Variants in FHL2 observed in about 807,000 individuals in gnomAD.
FHL2 encodes four and a half LIM domains 2, also known as four and a half LIM domains protein 2.
In FHL2, 20 loss-of-function variants were observed where a neutral mutation model predicts 32.7. The observed-to-expected ratio is 0.61, with a 90% CI of 0.43 to 0.89. The LOEUF is 0.89. Among genes scored for constraint, FHL2 ranks in the 40% least tolerant of loss-of-function variants. FHL2 has a pLI of 0.00. For synonymous variants in FHL2, 123 were observed against 128.1 expected (o/e 0.96, Z 0.27); for missense variants, 311 against 358.6 (o/e 0.87, Z 1.07).
rs530303376 is a variant in FHL2 at position 105,392,125 on chromosome 2, T to C, written c.-25+4522A>G. On this transcript the variant is annotated intron_variant, in intron 2 of 6. Transcript: ENST00000530340. ...CAGGTGCAGCTCGGAGGTCTGGGGATGGCCCAGGGAAGGCTTTGATCTCTG... is the reference window on the plus strand; with the variant it reads ...CAGGTGCAGCTCGGAGGTCTGGGGACGGCCCAGGGAAGGCTTTGATCTCTG... 6.4e-4 allele frequency among the ~76,000 whole-genome samples: 97 copies of C among 152,300 alleles called. 1 individual carries two copies. Among genetic ancestry groups the C allele is most frequent in the African/African-American group, 2.2e-3 (91 of 41,562 alleles).
chr2:105,428,050 A>G (rs1369509730), intron 1 of FHL2, among the ~76,000 whole-genome samples: 1 of 152,272 alleles, frequency 6.6e-6, no homozygotes, highest in Non-Finnish European at 1.5e-5. Context: ...CACATTAAGC[A>G]AAGGATCAAA....
At chr2:105,405,548 A>G (rs532002603) in intron 1 of FHL2, among the ~76,000 whole-genome samples, 46 of 152,238 alleles carry the variant, frequency 3.0e-4, no homozygotes, top group Non-Finnish European at 5.9e-4. Context: ...AAGTGCTAGG[A>G]TTACAGGCGT....
chr2:105,374,113 C>T (rs6714288), intron 3 of FHL2: 6,933 of 298,432 alleles, frequency 0.023, 409 homozygotes, highest in African/African-American at 0.13. Context: ...GCAGGACATC[C>T]TTGGCTGAGG....
intron 3 of FHL2, chr2:105,376,296 C>A (rs930440740): frequency 1.3e-5 from 2 of 152,132 alleles, no homozygotes; most frequent in Non-Finnish European, 2.9e-5. Context: ...AAATCCTGGT[C>A]GGGTCTGTGT....
chr2:105,422,328 T>C (rs550470773), intron 1 of FHL2, among the ~76,000 whole-genome samples: 1 of 152,278 alleles, frequency 6.6e-6, no homozygotes. Flanking sequence ...GCAAGATGCA[T>C]ATGGAGGTGC....
intron 1 of FHL2, among the ~76,000 whole-genome samples, chr2:105,419,409 G>A (rs1459657645): frequency 6.6e-6 from 1 of 152,108 alleles, no homozygotes; most frequent in African/African-American, 2.4e-5. Context: ...ATTTGTATAA[G>A]GATTGTTTTG....
chr2:105,401,439 C>T (rs1250210824), upstream of FHL2, among the ~76,000 whole-genome samples: 2 of 152,156 alleles, frequency 1.3e-5, no homozygotes, highest in Non-Finnish European at 2.9e-5. Context: ...ACTAGTCTGT[C>T]TCCTTTTGTA....
intron 3 of FHL2, among the ~76,000 whole-genome samples, chr2:105,380,905 C>A (rs1187912604): frequency 6.6e-6 from 1 of 152,216 alleles, no homozygotes; most frequent in Non-Finnish European, 1.5e-5. Flanking sequence ...CCACACACTT[C>A]CTTTCTGGTT....
Position 105,373,700 on chromosome 2 carries a change from C to T in FHL2, c.190G>A (p.Ala64Thr), listed in dbSNP as rs1681260755. Residue 64 changes from alanine (A) to threonine (T), a missense_variant, in exon 4 of 7, where the codon GCC (alanine) becomes ACC (threonine). By Grantham distance (58) the Ala-to-Thr change is moderately conservative. Transcript: ENST00000530340. ...LSYKDRHWHE[A>T]CFHCSQCRNS... ...CTGCACTGCGAGCAGTGGAAACAGG[C>T]TTCATGCCAGTGCCGGTCCTTGTAA... The T allele has an allele frequency of 6.2e-7, 1 of 1,614,182 alleles. No homozygotes were observed. The highest frequency in any genetic ancestry group is 8.5e-7 in the Non-Finnish European group (1 of 1,180,040).
chr2:105,362,062 A>T (rs546565516), intron 6 of FHL2, among the ~76,000 whole-genome samples: 1 of 152,342 alleles, frequency 6.6e-6, no homozygotes, highest in East Asian at 1.9e-4. Context: ...CACAATTCAC[A>T]TTCATATCTA....
chr2:105,396,646 C>T lies in FHL2; in HGVS notation c.-25+1G>A, dbSNP rs748401503. The T allele has an allele frequency of 8.7e-6, 14 of 1,612,254 alleles. No individual in the cohort carries two copies. The highest frequency in any genetic ancestry group is 8.5e-7 in the Non-Finnish European group (1 of 1,179,378). ...TAACAGAGGAAATTCACTTGACTCA[C>T]CCCAAAGTCAAAATGCCAGCCTAGT... On this transcript the variant is annotated splice_donor_variant, in intron 2 of 6. Coordinates refer to ENST00000530340, the MANE Select transcript of FHL2 (RefSeq NM_001318895.3). LOFTEE classifies it low-confidence loss of function (5UTR_SPLICE).
At chr2:105,420,795 C>T (rs1684078536) in intron 1 of FHL2, among the ~76,000 whole-genome samples, 1 of 152,114 alleles carries the variant, frequency 6.6e-6, no homozygotes, top group African/African-American at 2.4e-5. Context: ...ATGTGCAGCT[C>T]ACATTAGGGT....
intron 1 of FHL2, among the ~76,000 whole-genome samples, chr2:105,433,494 T>C (rs761193627): frequency 2.0e-5 from 3 of 152,208 alleles, no homozygotes; most frequent in Non-Finnish European, 4.4e-5. Context: ...ATTTTTAAGA[T>C]GAGGTCCTTT....
chr2:105,398,677 C>G (rs1427743617), intron 1 of FHL2, among the ~76,000 whole-genome samples, 165 bp downstream of exon 1: 1 of 152,184 alleles, frequency 6.6e-6, no homozygotes, highest in Non-Finnish European at 1.5e-5. Context: ...CCCATTGCTC[C>G]GCTCCCCTCT....
chr2:105,391,666 G>A (rs1240437087), intron 2 of FHL2, among the ~76,000 whole-genome samples: 1 of 152,144 alleles, frequency 6.6e-6, no homozygotes, highest in Non-Finnish European at 1.5e-5. Context: ...AAGACAGGGG[G>A]CAATGACTCC....
intron 6 of FHL2, among the ~76,000 whole-genome samples, chr2:105,362,599 C>T (rs1680349910): frequency 1.3e-5 from 2 of 152,232 alleles, no homozygotes; most frequent in African/African-American, 4.8e-5. Context: ...TAAAACTTCT[C>T]CTGTGTTATT....
At chr2:105,420,870 G>A (rs1684082226) in intron 1 of FHL2, among the ~76,000 whole-genome samples, 1 of 152,158 alleles carries the variant, frequency 6.6e-6, no homozygotes, top group South Asian at 2.1e-4. Context: ...AGTGGGGAAT[G>A]CTTCTCGCCT....
chr2:105,410,356 G>A (rs1683755373), intron 1 of FHL2, among the ~76,000 whole-genome samples: 1 of 152,154 alleles, frequency 6.6e-6, no homozygotes. Flanking sequence ...GCTGCAAAAT[G>A]AATTATTTTC....
intron 1 of FHL2, among the ~76,000 whole-genome samples, chr2:105,421,042 C>T (rs546917742): frequency 6.6e-6 from 1 of 152,296 alleles, no homozygotes; most frequent in Admixed American, 6.5e-5. Flanking sequence ...TTGTACAGAG[C>T]CAGTGGTGGC....
Sources: allele counts gnomAD v4.1 joint callset (sites outside exome capture counted in the v4.1 genomes callset), GRCh38; gene constraint gnomAD v4.1.1; transcripts MANE v1.5; gene names NCBI Gene and HGNC (gene_info 2026-07-23, HGNC 2026-07-21).